The following SLC17A1 variants were observed in gnomAD, a reference collection of about 807,000 sequenced individuals.
SLC17A1 encodes the protein sodium-dependent phosphate transport protein 1.
Under a neutral mutation model 53.5 loss-of-function variants are expected in SLC17A1, and 51 were observed. The ratio of observed to expected loss-of-function variants is 0.95; its 90% CI spans 0.76 to 1.20. The LOEUF (loss-of-function observed/expected upper bound fraction) is 1.20, where lower values mean the gene tolerates loss of function less well. Among genes scored for constraint, SLC17A1 ranks in the 50% most tolerant of loss-of-function variants. The probability of loss-of-function intolerance (pLI) is 0.00; values close to 1 mark genes in which losing one functional copy is unlikely to be tolerated. For synonymous variants in SLC17A1, 179 were observed against 198.8 expected (o/e 0.90, Z 0.84); for missense variants, 538 against 568.2 (o/e 0.95, Z 0.54).
the SLC17A1 span, among the ~76,000 whole-genome samples, chr6:25,772,313 T>C: frequency 6.6e-6 from 1 of 152,168 alleles, no homozygotes; most frequent in African/African-American, 2.4e-5. Flanking sequence ...ATGTGCAACA[T>C]TGCTAATTTT....
intron 10 of SLC17A1, among the ~76,000 whole-genome samples, chr6:25,806,143 C>G (rs567228544): frequency 1.3e-5 from 2 of 152,174 alleles, no homozygotes; most frequent in East Asian, 3.9e-4. Flanking sequence ...TTCTAGCTAA[C>G]CAAATCCAGC....
intron 3 of SLC17A1, among the ~76,000 whole-genome samples, chr6:25,820,368 A>G (rs890385246): frequency 1.3e-5 from 2 of 152,196 alleles, no homozygotes; most frequent in Non-Finnish European, 2.9e-5. Context: ...ACTTTTCCCC[A>G]TATACATATT....
chr6:25,826,969 T>C (rs1364626603), intron 2 of SLC17A1, among the ~76,000 whole-genome samples: 2 of 152,150 alleles, frequency 1.3e-5, no homozygotes, highest in Non-Finnish European at 2.9e-5. Flanking sequence ...AAAGACATTT[T>C]CTGTCAAGAA....
At chr6:25,751,086 CA>C in the SLC17A1 span, among the ~76,000 whole-genome samples, 1 of 152,162 alleles carries the variant, frequency 6.6e-6, no homozygotes, top group Non-Finnish European at 1.5e-5. Context: ...ATTCTGTCTG[CA>C]ATTATCTTTT....
intron 2 of SLC17A1, among the ~76,000 whole-genome samples, chr6:25,829,793 G>A (rs1204647631): frequency 6.6e-6 from 1 of 151,908 alleles, no homozygotes; most frequent in Non-Finnish European, 1.5e-5. Flanking sequence ...TAAACACTTG[G>A]AAACTGAGCA....
intron 10 of SLC17A1, among the ~76,000 whole-genome samples, chr6:25,810,908 G>A (rs929608371): frequency 6.6e-6 from 1 of 152,020 alleles, no homozygotes; most frequent in African/African-American, 2.4e-5. Context: ...ATACACAATG[G>A]GATACTATTG....
intron 10 of SLC17A1, among the ~76,000 whole-genome samples, chr6:25,805,882 A>C (rs1763936189): frequency 3.3e-5 from 5 of 151,888 alleles, no homozygotes; most frequent in Admixed American, 3.3e-4. Context: ...ATTTTAAAAA[A>C]TTGCCAACAA....
downstream of SLC17A1, chr6:25,779,416 T>C (rs1458553837): frequency 8.5e-6 from 4 of 468,704 alleles, no homozygotes; most frequent in East Asian, 1.2e-4. Context: ...TGTTCTCCAC[T>C]CTTCCACTGT....
chr6:25,800,988 TAA>T lies in SLC17A1; in HGVS notation c.1179-10_1179-9del, dbSNP rs773568937. On this transcript the variant is annotated splice_polypyrimidine_tract_variant and intron_variant, in intron 10 of 12. Coordinates refer to ENST00000244527, the MANE Select transcript of SLC17A1 (RefSeq NM_005074.5). ...TTAATAAATCCAAAATATCTATGCA[TAA>T]AAGAGTAATACACAAATGTAAAGTA... The T allele has an allele frequency of 2.8e-6, 4 of 1,421,360 alleles. No homozygotes were observed. The highest frequency in any genetic ancestry group is 2.8e-5 in the African/African-American group (2 of 71,186). 88.0% of individuals were successfully genotyped at this position (1,421,360 alleles called of 1,614,324 possible).
At chr6:25,830,426 C>T (rs1764904717) in intron 2 of SLC17A1, 98 bp downstream of exon 2, 4 of 926,226 alleles carry the variant, frequency 4.3e-6, no homozygotes, top group East Asian at 4.8e-5. Flanking sequence ...TTTTTAAGAC[C>T]CCATATGTAT....
At chr6:25,757,683 G>C in the SLC17A1 span, among the ~76,000 whole-genome samples, 10 of 152,110 alleles carry the variant, frequency 6.6e-5, no homozygotes, top group African/African-American at 2.4e-4. Context: ...TTCCAGGGCT[G>C]GTGGGTAGGG....
the SLC17A1 span, among the ~76,000 whole-genome samples, chr6:25,775,330 C>CA: frequency 1.0e-4 from 3 of 29,154 alleles, no homozygotes; most frequent in African/African-American, 1.6e-4. Flanking sequence ...TAAACTCTGT[C>CA]TAAAAAAAAA....
At chr6:25,746,042 C>T in the SLC17A1 span, among the ~76,000 whole-genome samples, 1 of 152,146 alleles carries the variant, frequency 6.6e-6, no homozygotes, top group East Asian at 1.9e-4. Flanking sequence ...GAGCAGATTT[C>T]GCAATCCTAA....
chr6:25,806,345 T>G (rs1763953167), intron 10 of SLC17A1, among the ~76,000 whole-genome samples: 1 of 151,888 alleles, frequency 6.6e-6, no homozygotes, highest in Admixed American at 6.6e-5. Flanking sequence ...GTAATAAATA[T>G]CCTTAACAAA....
chr6:25,726,067 T>G, the SLC17A1 span: 1 of 1,385,322 alleles, frequency 7.2e-7, no homozygotes, highest in Non-Finnish European at 9.8e-7. Context: ...AGACGGTAGG[T>G]GGCTCTGAAA....
chr6:25,826,776 A>C (rs961036473), intron 2 of SLC17A1, 143 bp from the exon 3 acceptor site: 1 of 438,060 alleles, frequency 2.3e-6, no homozygotes, highest in Non-Finnish European at 3.9e-6. Context: ...GATAATTATT[A>C]TATAATAAGA....
chr6:25,791,129 A>G (rs1420414636), intron 12 of SLC17A1, among the ~76,000 whole-genome samples: 1 of 152,170 alleles, frequency 6.6e-6, no homozygotes, highest in African/African-American at 2.4e-5. Flanking sequence ...TCATGTTCTT[A>G]TATCAGTATT....
At position 25,800,956 on chromosome 6, in the gene SLC17A1, A is replaced by G; in HGVS notation, c.1203T>C (p.Cys401=). 6.2e-7 allele frequency: 1 copy of G among 1,602,978 alleles called. No homozygotes were observed. Among genetic ancestry groups the G allele is most frequent in the Non-Finnish European group, 8.5e-7 (1 of 1,170,086 alleles). ...CTCCTATCATTCCAGTTAAAGTTGA[A>G]CATGCTTTAATAAATCCAAAATATC... ...APRYFGFIKA[C]STLTGMIGGL... Residue 401 remains cysteine (C), a synonymous_variant, in exon 11 of 13, where the codon TGT becomes TGC. Transcript: ENST00000244527.
At chr6:25,817,165 G>A (rs549987765) in intron 6 of SLC17A1, among the ~76,000 whole-genome samples, 5 of 152,236 alleles carry the variant, frequency 3.3e-5, no homozygotes, top group East Asian at 3.9e-4. Flanking sequence ...GCCATTTTAA[G>A]TGCAAATGTA....
Sources: allele counts gnomAD v4.1 joint callset (sites outside exome capture counted in the v4.1 genomes callset), GRCh38; gene constraint gnomAD v4.1.1; transcripts MANE v1.5; gene names NCBI Gene and HGNC (gene_info 2026-07-23, HGNC 2026-07-21).